Variants in TTLL5 observed in about 807,000 individuals in gnomAD.
TTLL5 encodes tubulin tyrosine ligase like 5, also known as tubulin polyglutamylase TTLL5.
In TTLL5, 132 loss-of-function variants were observed where a neutral mutation model predicts 168.4. The observed-to-expected ratio is 0.78, with a 90% confidence interval of 0.68 to 0.91. The LOEUF (loss-of-function observed/expected upper bound fraction) is 0.91, where lower values mean the gene tolerates loss of function less well. Ranked by LOEUF, TTLL5 falls within the 40% of genes least tolerant of loss-of-function variation. The pLI, the probability that TTLL5 is intolerant of heterozygous loss-of-function variation, is 0.00. For synonymous variants in TTLL5, 546 were observed against 558.6 expected, an observed-to-expected ratio of 0.98 and a Z score of 0.32; for missense variants, 1,545 against 1,581.5, an observed-to-expected ratio of 0.98 and a Z score of 0.39.
chr14:75,906,467 C>CCT (rs2033152681), intron 31 of TTLL5: 3 of 945,300 alleles, frequency 3.2e-6, no homozygotes, highest in Non-Finnish European at 3.8e-6. Flanking sequence ...ACGGTGATCC[C>CCT]CTTAACCTAG....
chr14:75,877,217 T>G (rs1030814444), intron 29 of TTLL5, among the ~76,000 whole-genome samples: 15 of 152,194 alleles, frequency 9.9e-5, no homozygotes, highest in African/African-American at 3.6e-4. Context: ...GGCATCCAGC[T>G]CTGCTCCATC....
Position 75,734,064 on chromosome 14 carries a change from T to G in TTLL5, c.1186+14T>G, listed in dbSNP as rs114107464. 2,374 of 1,612,854 alleles carry G rather than the reference T, an allele frequency of 1.5e-3. 31 individuals carry two copies. The African/African-American group carries it at 0.028, about 19-fold the overall frequency. On this transcript the variant is annotated intron_variant, in intron 14 of 31. Transcript: ENST00000298832. ...TCACTGTTGTAGGTGAGTAGTAGTA[T>G]TTTCTGAACTGGACTCACATAAAAA...
chr14:75,666,767 G>T (rs1002719286), intron 2 of TTLL5, among the ~76,000 whole-genome samples: 1 of 152,178 alleles, frequency 6.6e-6, no homozygotes, highest in Non-Finnish European at 1.5e-5. Context: ...CTCCATCTTT[G>T]AGTTATGTAG....
chr14:75,948,721 A>T (rs1049971026), intron 31 of TTLL5, among the ~76,000 whole-genome samples: 2 of 152,192 alleles, frequency 1.3e-5, no homozygotes, highest in Non-Finnish European at 2.9e-5. Context: ...AAATAAACAT[A>T]CAGTTGAGAG....
At chr14:75,906,837 G>A (rs191518650) in intron 31 of TTLL5, among the ~76,000 whole-genome samples, 2 of 152,304 alleles carry the variant, frequency 1.3e-5, no homozygotes, top group African/African-American at 4.8e-5. Flanking sequence ...CCCAAACTGG[G>A]TCAAAGTTGA....
chr14:75,805,447 A>G (rs1352248915), intron 27 of TTLL5, among the ~76,000 whole-genome samples: 1 of 152,158 alleles, frequency 6.6e-6, no homozygotes, highest in African/African-American at 2.4e-5. Flanking sequence ...ATCCTCCAGC[A>G]TATCTCTGAA....
At chr14:75,902,510 T>C (rs774426368) in intron 31 of TTLL5, 6 of 588,398 alleles carry the variant, frequency 1.0e-5, no homozygotes, top group Admixed American at 2.2e-5. Context: ...TATTGACTGG[T>C]ATTTCACTGT....
intron 30 of TTLL5, chr14:75,887,160 G>A: frequency 9.8e-7 from 1 of 1,020,704 alleles, no homozygotes; most frequent in Non-Finnish European, 1.2e-6. Flanking sequence ...TTAGCAGGGA[G>A]GAAAGCCATC....
intron 28 of TTLL5, among the ~76,000 whole-genome samples, chr14:75,859,000 C>T (rs1595161672): frequency 6.6e-6 from 1 of 152,180 alleles, no homozygotes; most frequent in Non-Finnish European, 1.5e-5. Context: ...AAAGCACACT[C>T]ACAGTTGCAA....
intron 28 of TTLL5, 102 bp downstream of exon 28, chr14:75,820,263 G>A: frequency 4.8e-6 from 6 of 1,252,456 alleles, no homozygotes; most frequent in Non-Finnish European, 6.3e-6. Context: ...ATAGCACTAA[G>A]GCATATGCCC....
chr14:75,902,112 C>T (rs2032947856), intron 30 of TTLL5, 30 bp from the exon 31 acceptor site: 2 of 1,610,236 alleles, frequency 1.2e-6, no homozygotes, highest in African/African-American at 1.3e-5. Context: ...TTTCCGCCTG[C>T]AGGTCTGACC....
intron 9 of TTLL5, chr14:75,712,489 A>G (rs1887151646): frequency 7.4e-6 from 1 of 134,934 alleles, no homozygotes; most frequent in African/African-American, 3.1e-5. Flanking sequence ...AGTTTTTAAG[A>G]AAACAGCAGG....
chr14:75,906,769 A>G (rs559366967), intron 31 of TTLL5: 1 of 968,144 alleles, frequency 1.0e-6, no homozygotes, highest in African/African-American at 1.8e-5. Context: ...AAGAAGTTCT[A>G]GCTTCTCAAA....
At chr14:75,943,662 G>A (rs1407394615) in intron 31 of TTLL5, among the ~76,000 whole-genome samples, 1 of 152,184 alleles carries the variant, frequency 6.6e-6, no homozygotes, top group Non-Finnish European at 1.5e-5. Flanking sequence ...AAAGTTTTGT[G>A]AGATCAGAGT....
chr14:75,699,408 G>A (rs936494363), intron 7 of TTLL5, 138 bp downstream of exon 7: 18 of 785,556 alleles, frequency 2.3e-5, no homozygotes, highest in South Asian at 1.8e-4. Context: ...AGTGAGTTAA[G>A]CGTAGGTATA....
intron 28 of TTLL5, among the ~76,000 whole-genome samples, chr14:75,827,707 CTTTTTTTTTTTTTTTTTTT>C (rs561078439): frequency 7.5e-5 from 4 of 53,172 alleles, no homozygotes; most frequent in African/African-American, 2.4e-4. Flanking sequence ...TGGCTTGGTT[CTTTTTTTTTTTTTTTTTTT>C]TTTTTTTTTT....
chr14:75,714,890 A>G (rs962918304), intron 9 of TTLL5, among the ~76,000 whole-genome samples: 1 of 152,214 alleles, frequency 6.6e-6, no homozygotes, highest in African/African-American at 2.4e-5. Flanking sequence ...GAGCAGAGTT[A>G]GGAAATTATG....
intron 2 of TTLL5, among the ~76,000 whole-genome samples, chr14:75,668,899 A>G (rs921802673): frequency 2.0e-5 from 3 of 152,322 alleles, no homozygotes; most frequent in African/African-American, 7.2e-5. Context: ...ATTCAGGCAT[A>G]TCTTGATTCT....
intron 18 of TTLL5, among the ~76,000 whole-genome samples, chr14:75,763,127 A>T (rs1183462182): frequency 6.6e-6 from 1 of 152,178 alleles, no homozygotes; most frequent in African/African-American, 2.4e-5. Context: ...TTAAAAAAAA[A>T]TACAAAATTG....
Sources: gnomAD v4.1 joint callset for allele counts (sites outside exome capture counted in the v4.1 genomes callset) on GRCh38, gnomAD v4.1.1 for gene constraint, MANE v1.5 for transcripts, NCBI Gene and HGNC (gene_info 2026-07-23, HGNC 2026-07-21) for gene names.